ADCY2: variants seen among roughly 807,000 people sequenced by gnomAD.
ADCY2 encodes the protein adenylate cyclase type 2.
In ADCY2, 31 loss-of-function variants were observed where a neutral mutation model predicts 125.2. The observed-to-expected ratio is 0.25, with a 90% confidence interval of 0.19 to 0.33. The LOEUF (loss-of-function observed/expected upper bound fraction) is 0.33. Among genes scored for constraint, ADCY2 ranks in the 10% least tolerant of loss-of-function variants. ADCY2 has a pLI of 1.00. For synonymous variants in ADCY2, 512 were observed against 548.4 expected, an observed-to-expected ratio of 0.93 and a Z score of 0.93; for missense variants, 904 against 1,418.2, an observed-to-expected ratio of 0.64 and a Z score of 5.82.
At chr5:7,488,029 T>A (rs1413410363) in intron 2 of ADCY2, among the ~76,000 whole-genome samples, 2 of 152,170 alleles carry the variant, frequency 1.3e-5, no homozygotes, top group South Asian at 2.1e-4. Context: ...ATATTAATCA[T>A]AAAAGTTAAA....
intron 2 of ADCY2, among the ~76,000 whole-genome samples, chr5:7,518,017 G>A (rs2126528792): frequency 6.6e-6 from 1 of 152,328 alleles, no homozygotes; most frequent in South Asian, 2.1e-4. Context: ...AGAAAAAACA[G>A]TATCTTAATC....
chr5:7,762,872 G>A (rs952972444), intron 16 of ADCY2, among the ~76,000 whole-genome samples: 4 of 152,166 alleles, frequency 2.6e-5, no homozygotes, highest in Admixed American at 2.6e-4. Context: ...TGTTGGTGGA[G>A]TGGGGGGCTG....
chr5:7,520,864 G>T lies in ADCY2; in HGVS notation c.535G>T (p.Ala179Ser), dbSNP rs961317867. The change falls in exon 3 of 25, where the codon GCA (alanine) becomes TCA (serine). Residue 179 changes from alanine (A) to serine (S), a missense_variant. By Grantham distance (99) the Ala-to-Ser change is moderately conservative. This residue lies in a region of ADCY2 where 121 missense variants were observed against 161.5 expected (regional missense o/e 0.75). Transcript: ENST00000338316. ...CATCGTGCTTAGCGTCTGCCTGTCT[G>T]CAACACCGGGAGGCAAGGAGCACCT... ...HTIVLSVCLS[A>S]TPGGKEHLVW... The T allele has an allele frequency of 1.2e-5, 20 of 1,614,146 alleles. No individual in the cohort carries two copies. Among genetic ancestry groups the T allele is most frequent in the Non-Finnish European group, 1.4e-5 (16 of 1,180,038 alleles).
At chr5:7,658,427 GTGTGTATA>G (rs1459884996) in intron 4 of ADCY2, among the ~76,000 whole-genome samples, 2 of 141,970 alleles carry the variant, frequency 1.4e-5, no homozygotes, top group Admixed American at 7.1e-5. Context: ...GTGTGTGTGT[GTGTGTATA>G]TATATATATA....
intron 3 of ADCY2, among the ~76,000 whole-genome samples, chr5:7,525,320 A>G (rs1344297007): frequency 6.6e-6 from 1 of 152,052 alleles, no homozygotes; most frequent in Non-Finnish European, 1.5e-5. Context: ...ATCGCTATTT[A>G]TTTTGATGTC....
intron 4 of ADCY2, 78 bp downstream of exon 4, chr5:7,626,394 C>T (rs1738129237): frequency 9.4e-6 from 14 of 1,487,452 alleles, no homozygotes; most frequent in Admixed American, 5.8e-5. Flanking sequence ...TGTTGAGTGT[C>T]GTTCATTCAT....
intron 3 of ADCY2, among the ~76,000 whole-genome samples, chr5:7,574,007 G>A (rs113080771): frequency 0.063 from 7,085 of 113,236 alleles, 340 homozygotes; most frequent in Non-Finnish European, 0.098. Context: ...GAGAATATGC[G>A]GTGTTTGGTT....
At chr5:7,541,021 T>C (rs1734978385) in intron 3 of ADCY2, among the ~76,000 whole-genome samples, 1 of 152,144 alleles carries the variant, frequency 6.6e-6, no homozygotes, top group South Asian at 2.1e-4. Context: ...GGCCCGCCTA[T>C]AGTCAACCCT....
At chr5:7,729,360 T>G (rs1742026497) in intron 14 of ADCY2, among the ~76,000 whole-genome samples, 1 of 152,170 alleles carries the variant, frequency 6.6e-6, no homozygotes, top group Admixed American at 6.5e-5. Context: ...TAGATTGTTA[T>G]TATTTGGGTA....
chr5:7,410,639 T>A (rs183151320), intron 1 of ADCY2, among the ~76,000 whole-genome samples: 1 of 152,222 alleles, frequency 6.6e-6, no homozygotes, highest in African/African-American at 2.4e-5. Flanking sequence ...AATTTTATTT[T>A]ACCTTGTTAA....
At chr5:7,814,167 G>A (rs1745031109) in intron 22 of ADCY2, among the ~76,000 whole-genome samples, 1 of 152,186 alleles carries the variant, frequency 6.6e-6, no homozygotes, top group Non-Finnish European at 1.5e-5. Flanking sequence ...ATAACTGTAA[G>A]TTGAGAATTT....
intron 3 of ADCY2, among the ~76,000 whole-genome samples, chr5:7,545,708 T>C (rs932869957): frequency 1.3e-5 from 2 of 152,242 alleles, no homozygotes; most frequent in Non-Finnish European, 2.9e-5. Context: ...AAGGTCATTC[T>C]GACAGTGACA....
rs559999839 is a variant in ADCY2 at position 7,738,829 on chromosome 5, T to G, written c.1872-4839T>G. On this transcript the variant is annotated intron_variant, in intron 14 of 24. Transcript: ENST00000338316. ...AAAAAGGTCATTTCACCAGGAGGCG[T>G]AAAATCATAAAATGTGCTTATACCT... Among the ~76,000 whole-genome samples the G allele has an allele frequency of 6.8e-3, 1,040 of 151,880 alleles. 5 individuals are homozygous for G. The highest frequency in any genetic ancestry group is 0.011 in the Non-Finnish European group (729 of 67,772).
chr5:7,419,273 C>T lies in ADCY2; in HGVS notation c.408+4503C>T, dbSNP rs1258331605. 2.6e-5 allele frequency among the ~76,000 whole-genome samples: 4 copies of T among 152,244 alleles called. No individual in the cohort carries two copies. The East Asian group carries it at 7.7e-4, about 29-fold the overall frequency. ...CAATTTTCTAGAAGAACCCACGGAA[C>T]TTGTGACAGCCGTTATCGCTGTGAT... On this transcript the variant is annotated intron_variant, in intron 2 of 24. Coordinates refer to ENST00000338316, the MANE Select transcript of ADCY2 (RefSeq NM_020546.3).
At chr5:7,403,562 T>G (rs1294111498) in intron 1 of ADCY2, among the ~76,000 whole-genome samples, 1 of 152,224 alleles carries the variant, frequency 6.6e-6, no homozygotes, top group Non-Finnish European at 1.5e-5. Context: ...TAAATTTTCA[T>G]GAATTCATTT....
chr5:7,567,090 T>A (rs1201010605), intron 3 of ADCY2, among the ~76,000 whole-genome samples: 1 of 152,244 alleles, frequency 6.6e-6, no homozygotes, highest in Non-Finnish European at 1.5e-5. Context: ...ACAATCATGA[T>A]GTAAATATAA....
chr5:7,711,667 G>C (rs962451623), intron 10 of ADCY2, among the ~76,000 whole-genome samples: 4 of 152,150 alleles, frequency 2.6e-5, no homozygotes, highest in Admixed American at 6.5e-5. Flanking sequence ...GCTATGTGTT[G>C]ATGAAGATGC....
At chr5:7,820,092 T>G (rs542276921) in intron 23 of ADCY2, among the ~76,000 whole-genome samples, 3 of 152,202 alleles carry the variant, frequency 2.0e-5, no homozygotes, top group Non-Finnish European at 4.4e-5. Context: ...TTTTCCTGAG[T>G]ATGCCACAAA....
At chr5:7,674,083 G>C (rs74602330) in intron 4 of ADCY2, among the ~76,000 whole-genome samples, 21 of 152,218 alleles carry the variant, frequency 1.4e-4, no homozygotes, top group South Asian at 8.3e-4. Flanking sequence ...GTCTCAGCGT[G>C]TGTCGTCAGC....
Sources: gnomAD v4.1 joint callset for allele counts (sites outside exome capture counted in the v4.1 genomes callset) on GRCh38, gnomAD v4.1.1 for gene constraint, gnomAD v4.1.1 regional missense constraint, MANE v1.5 for transcripts, NCBI Gene and HGNC (gene_info 2026-07-23, HGNC 2026-07-21) for gene names.